The following NAT1 variants were observed in gnomAD, a reference collection of about 807,000 sequenced individuals.
NAT1 encodes arylamine N-acetyltransferase 1.
For missense variants in NAT1, 400 were observed against 339.2 expected (o/e 1.18, Z -1.41); for synonymous variants, 144 against 122.6 (o/e 1.17, Z -1.16).
At chr8:18,218,081 G>C (rs1804882380) in intron 1 of NAT1, among the ~76,000 whole-genome samples, 1 of 152,090 alleles carries the variant, frequency 6.6e-6, no homozygotes, top group Non-Finnish European at 1.5e-5. Flanking sequence ...GGAAGACTGG[G>C]GAAGCTAAAA....
chr8:18,192,718 T>C (rs1803049219), intron 2 of NAT1, among the ~76,000 whole-genome samples: 1 of 152,108 alleles, frequency 6.6e-6, no homozygotes, highest in African/African-American at 2.4e-5. Context: ...GAAATCATCA[T>C]TCTCAGTAAA....
At chr8:18,171,981 T>C (rs1159446265) in intron 2 of NAT1, among the ~76,000 whole-genome samples, 2 of 152,228 alleles carry the variant, frequency 1.3e-5, no homozygotes, top group African/African-American at 4.8e-5. Context: ...TAACTCACTG[T>C]CTTTCAGCAA....
chr8:18,199,628 T>C (rs1377458739), intron 2 of NAT1, among the ~76,000 whole-genome samples: 1 of 152,162 alleles, frequency 6.6e-6, no homozygotes, highest in African/African-American at 2.4e-5. Context: ...CTGAACTCTT[T>C]GGCTTTTGGG....
chr8:18,200,876 C>T (rs1803431654), intron 2 of NAT1: 1 of 152,004 alleles, frequency 6.6e-6, no homozygotes, highest in African/African-American at 2.4e-5. Context: ...TCCTGGAAGT[C>T]CATTTGTAGT....
At chr8:18,186,268 C>G (rs989885303) in intron 2 of NAT1, among the ~76,000 whole-genome samples, 1 of 152,030 alleles carries the variant, frequency 6.6e-6, no homozygotes, top group African/African-American at 2.4e-5. Flanking sequence ...TTTCATTTAT[C>G]TTGATGTTTT....
intron 2 of NAT1, among the ~76,000 whole-genome samples, chr8:18,185,874 T>G (rs1356826163): frequency 6.6e-6 from 1 of 152,174 alleles, no homozygotes; most frequent in Non-Finnish European, 1.5e-5. Context: ...TCAAAATATT[T>G]TCTATTTTTA....
chr8:18,222,872 G>A lies in NAT1; in HGVS notation c.825G>A (p.Leu275=). 3 of 1,587,214 alleles carry A rather than the reference G, an allele frequency of 1.9e-6. No individual in the cohort carries two copies. The highest frequency in any genetic ancestry group is 2.6e-6 in the Non-Finnish European group (3 of 1,171,392). ...TGAAAAATATATTTAATATTTCCTTGCAGAGAAAGCTTGTGCCCAAACATG... is the reference window on the plus strand; with the variant it reads ...TGAAAAATATATTTAATATTTCCTTACAGAGAAAGCTTGTGCCCAAACATG... ...KVLKNIFNIS[L]QRKLVPKHGD... The change falls in exon 3 of 3, where the codon TTG becomes TTA. Residue 275 remains leucine, a synonymous_variant. Transcript: ENST00000307719.
In NAT1 at chr8:18,182,646, GAACT is replaced by G. The variant is rs139395196; in HGVS notation, n.92+11914_92+11917del. ...GCCTATTTTTCAATCTTGATTTCTA[GAACT>G]AACTAAGTCATGTTTTCTAGCAGAG... is the stretch of plus-strand genomic sequence containing the variant. On this transcript the variant is annotated intron_variant and non_coding_transcript_variant, in intron 2 of 4. Coordinates refer to the NAT1 transcript ENST00000517441. 2.8e-3 allele frequency among the ~76,000 whole-genome samples: 430 copies of G among 152,038 alleles called. 1 individual carries two copies. In the East Asian group the frequency reaches 0.034, roughly 12 times the overall value.
chr8:18,180,686 G>T (rs1802478128), intron 2 of NAT1, among the ~76,000 whole-genome samples: 1 of 152,050 alleles, frequency 6.6e-6, no homozygotes, highest in Admixed American at 6.6e-5. Flanking sequence ...AATAATAAGT[G>T]CATGAGGTAA....
chr8:18,212,145 C>G (rs941787069), intron 1 of NAT1: 1 of 152,152 alleles, frequency 6.6e-6, no homozygotes, highest in African/African-American at 2.4e-5. Context: ...TTCTAGAGAC[C>G]TGGAATTGAA....
rs573878458 is a variant in NAT1 at position 18,220,601 on chromosome 8, C to G, written c.-7+1112C>G. 4.6e-3 allele frequency among the ~76,000 whole-genome samples: 697 copies of G among 152,220 alleles called. 5 individuals are homozygous for G. Among genetic ancestry groups the G allele is most frequent in the African/African-American group, 0.016 (666 of 41,530 alleles). ...ACATTACCTGAAAGTTAAAAGATAG[C>G]TTTCGGCTTCATTCAGGTCTTTCCT... is the stretch of plus-strand genomic sequence containing the variant. On this transcript the variant is annotated intron_variant, in intron 2 of 2. Transcript: ENST00000307719.
chr8:18,195,858 C>T (rs528441806), intron 2 of NAT1, among the ~76,000 whole-genome samples: 4 of 151,764 alleles, frequency 2.6e-5, no homozygotes, highest in East Asian at 3.9e-4. Flanking sequence ...CAGATCTTTT[C>T]GACCTACCAG....
chr8:18,214,877 G>C (rs1804476589), intron 1 of NAT1, among the ~76,000 whole-genome samples: 1 of 152,064 alleles, frequency 6.6e-6, no homozygotes. Context: ...TGTGCTGTTT[G>C]CTTCTTTGTA....
chr8:18,190,507 C>A (rs56748582), intron 2 of NAT1, among the ~76,000 whole-genome samples: 10,652 of 152,226 alleles, frequency 0.07, 973 homozygotes, highest in African/African-American at 0.21. Context: ...TTTATTAGCC[C>A]AGGCGAAAAA....
At chr8:18,191,476 A>T (rs534935490) in intron 2 of NAT1, among the ~76,000 whole-genome samples, 232 of 152,204 alleles carry the variant, frequency 1.5e-3, no homozygotes, top group Non-Finnish European at 2.8e-3. Context: ...TTCTTCACAG[A>T]ATTGGAAAAA....
chr8:18,219,326 C>A (rs1805036368), intron 1 of NAT1, 85 bp from the exon 2 acceptor site: 5 of 890,496 alleles, frequency 5.6e-6, no homozygotes, highest in Admixed American at 5.1e-5. Context: ...AGGAAATCTT[C>A]ATAATTTACG....
At chr8:18,210,437 T>C (rs1182508390) in intron 1 of NAT1, among the ~76,000 whole-genome samples, 2 of 152,200 alleles carry the variant, frequency 1.3e-5, no homozygotes, top group Non-Finnish European at 2.9e-5. Context: ...AGTCACTTAG[T>C]TTCCCTAAAA....
At chr8:18,181,555 A>C (rs1046609647) in intron 2 of NAT1, among the ~76,000 whole-genome samples, 1 of 151,990 alleles carries the variant, frequency 6.6e-6, no homozygotes, top group Non-Finnish European at 1.5e-5. Context: ...GATGCCCTTT[A>C]TTTCTTTCTC....
At chr8:18,209,151 C>T (rs1360553109), upstream of NAT1, among the ~76,000 whole-genome samples, 10 of 152,172 alleles carry the variant, frequency 6.6e-5, no homozygotes, top group Admixed American at 6.5e-4. Flanking sequence ...CTCCAACTCC[C>T]AACATCCTGG....
Sources: allele counts gnomAD v4.1 joint callset (sites outside exome capture counted in the v4.1 genomes callset), GRCh38; gene constraint gnomAD v4.1.1; transcripts MANE v1.5; gene names NCBI Gene and HGNC (gene_info 2026-07-23, HGNC 2026-07-21).